Variants in SEMA3A observed in about 807,000 individuals in gnomAD.
The protein encoded by SEMA3A is semaphorin 3A.
A neutral mutation model predicts 97.9 loss-of-function variants in SEMA3A; 29 were observed. That is an observed-to-expected ratio of 0.30 (90% CI 0.22 to 0.40). SEMA3A has a LOEUF of 0.40. Among genes scored for constraint, SEMA3A ranks in the 10% least tolerant of loss-of-function variants. The pLI is 1.00. For missense variants in SEMA3A, 763 were observed against 951.3 expected (o/e 0.80, Z 2.60); for synonymous variants, 321 against 323.7 (o/e 0.99, Z 0.09).
intron 1 of SEMA3A, among the ~76,000 whole-genome samples, chr7:84,150,837 CCTGT>C (rs1423644163): frequency 6.6e-5 from 10 of 151,784 alleles, no homozygotes; most frequent in African/African-American, 2.4e-4. Context: ...CTTAAATGGC[CCTGT>C]CTGACAGCTT....
intron 1 of SEMA3A, among the ~76,000 whole-genome samples, chr7:84,448,555 C>T (rs781443580): frequency 3.4e-4 from 52 of 151,588 alleles, no homozygotes; most frequent in Admixed American, 9.2e-4. Flanking sequence ...ATTTCATGTA[C>T]AATAGCATCA....
At chr7:84,117,518 A>G (rs145779598) in intron 3 of SEMA3A, among the ~76,000 whole-genome samples, 1,935 of 152,322 alleles carry the variant, frequency 0.013, 44 homozygotes, top group African/African-American at 0.044. Context: ...CAGGCCGGCC[A>G]GCACTACCGC....
At chr7:84,228,143 G>T (rs774384118) in intron 3 of SEMA3A, among the ~76,000 whole-genome samples, 16 of 151,968 alleles carry the variant, frequency 1.1e-4, no homozygotes, top group Non-Finnish European at 1.6e-4. Context: ...TGAAGCCAGA[G>T]TACAATGAGC....
At chr7:84,324,669 A>G (rs1801730584) in intron 2 of SEMA3A, among the ~76,000 whole-genome samples, 1 of 152,170 alleles carries the variant, frequency 6.6e-6, no homozygotes, top group Non-Finnish European at 1.5e-5. Context: ...TAATTTCTGA[A>G]TTTATTTTTC....
chr7:84,213,259 G>A (rs907299632), intron 3 of SEMA3A, among the ~76,000 whole-genome samples: 9 of 152,120 alleles, frequency 5.9e-5, no homozygotes, highest in African/African-American at 9.7e-5. Context: ...TTACAGGCGT[G>A]AGCCATGGTG....
chr7:84,062,240 T>A (rs1793248158), intron 4 of SEMA3A, among the ~76,000 whole-genome samples: 1 of 152,216 alleles, frequency 6.6e-6, no homozygotes, highest in African/African-American at 2.4e-5. Flanking sequence ...AATATTACAT[T>A]GAGATGTTTA....
At chr7:84,097,619 A>G (rs1258689782) in intron 4 of SEMA3A, among the ~76,000 whole-genome samples, 2 of 152,118 alleles carry the variant, frequency 1.3e-5, no homozygotes, top group Non-Finnish European at 2.9e-5. Flanking sequence ...TGGAAAATAA[A>G]GATAAAATAA....
At chr7:84,445,451 G>T (rs1805384505) in intron 1 of SEMA3A, among the ~76,000 whole-genome samples, 1 of 114,610 alleles carries the variant, frequency 8.7e-6, no homozygotes, top group Admixed American at 1.3e-4. Context: ...CCGAGAGCAT[G>T]CCACTGTACT....
intron 12 of SEMA3A, among the ~76,000 whole-genome samples, chr7:83,988,212 TTTG>T (rs890681375): frequency 2.6e-5 from 4 of 152,074 alleles, no homozygotes; most frequent in South Asian, 2.1e-4. Context: ...CTCTTGTGTT[TTTG>T]TTGTTGTTGT....
At chr7:84,279,296 A>G (rs2115735292) in intron 3 of SEMA3A, among the ~76,000 whole-genome samples, 1 of 152,246 alleles carries the variant, frequency 6.6e-6, no homozygotes, top group African/African-American at 2.4e-5. Context: ...AATGGAACAC[A>G]TCAATACTAT....
intron 7 of SEMA3A, among the ~76,000 whole-genome samples, chr7:84,013,011 T>C (rs1321620695): frequency 6.6e-6 from 1 of 152,178 alleles, no homozygotes. Context: ...TTGAAAACTT[T>C]TAATTTTTCA....
chr7:84,281,527 C>A (rs1357749310), intron 3 of SEMA3A, among the ~76,000 whole-genome samples: 46 of 151,600 alleles, frequency 3.0e-4, no homozygotes, highest in Non-Finnish European at 2.9e-5. Context: ...CTACTTTCCA[C>A]AAAAAAAGGG....
intron 4 of SEMA3A, among the ~76,000 whole-genome samples, chr7:84,075,889 G>A (rs1374157376): frequency 6.6e-6 from 1 of 152,088 alleles, no homozygotes; most frequent in Non-Finnish European, 1.5e-5. Context: ...AACCTTTAAG[G>A]TGCATGTAGT....
At chr7:84,136,447 T>G (rs1353049847) in intron 1 of SEMA3A, among the ~76,000 whole-genome samples, 1 of 152,190 alleles carries the variant, frequency 6.6e-6, no homozygotes, top group Non-Finnish European at 1.5e-5. Context: ...ATCCCAGTAC[T>G]TCTCATGTCC....
intron 2 of SEMA3A, among the ~76,000 whole-genome samples, chr7:84,370,972 T>C (rs907105548): frequency 2.0e-5 from 3 of 150,950 alleles, no homozygotes; most frequent in African/African-American, 4.9e-5. Context: ...TATAACCATA[T>C]AGAACATGAG....
intron 6 of SEMA3A, among the ~76,000 whole-genome samples, chr7:84,029,201 G>A (rs750663700): frequency 2.6e-5 from 4 of 152,008 alleles, no homozygotes; most frequent in East Asian, 1.9e-4. Context: ...CTACTAAATC[G>A]TGACCTATGC....
At chr7:84,335,839 G>A (rs1429305785) in intron 2 of SEMA3A, among the ~76,000 whole-genome samples, 1 of 151,872 alleles carries the variant, frequency 6.6e-6, no homozygotes, top group Non-Finnish European at 1.5e-5. Flanking sequence ...AAAGGTGAAA[G>A]GAACTTTAAG....
intron 12 of SEMA3A, among the ~76,000 whole-genome samples, chr7:83,997,413 AAAATTAAACAAAG>A (rs1467446026): frequency 6.6e-6 from 1 of 152,126 alleles, no homozygotes; most frequent in Admixed American, 6.5e-5. Context: ...TTCCCACTGT[AAAATTAAACAAAG>A]TTTGACAGTG....
intron 1 of SEMA3A, among the ~76,000 whole-genome samples, chr7:84,184,185 CG>C (rs1562837924): frequency 6.6e-6 from 1 of 152,074 alleles, no homozygotes; most frequent in African/African-American, 2.4e-5. Context: ...GGCGTCAGAA[CG>C]TTTTTTTTAA....
Sources: gnomAD v4.1 joint callset for allele counts (sites outside exome capture counted in the v4.1 genomes callset) on GRCh38, gnomAD v4.1.1 for gene constraint, MANE v1.5 for transcripts, NCBI Gene and HGNC (gene_info 2026-07-23, HGNC 2026-07-21) for gene names.